The following COMMD9 variants were observed in gnomAD, a reference collection of about 807,000 sequenced individuals.
COMMD9 encodes the protein COMM domain containing 9.
Under a neutral mutation model 23.4 loss-of-function variants are expected in COMMD9, and 22 were observed. The ratio of observed to expected loss-of-function variants is 0.94; its 90% CI spans 0.67 to 1.34. COMMD9 has a LOEUF of 1.34. COMMD9 is among the 40% of genes most tolerant of loss of function. COMMD9 has a pLI of 0.00. For missense variants in COMMD9, 231 were observed against 240.2 expected (o/e 0.96, Z 0.25); for synonymous variants, 99 against 97.4 (o/e 1.02, Z -0.10).
chr11:36,272,783 A>G lies in COMMD9; in HGVS notation c.*1849T>C, dbSNP rs1016533775. On this transcript the variant is annotated 3_prime_UTR_variant, in exon 6 of 6. Transcript: ENST00000263401. ...ACATTTTCCAAATGGCGCTAGTCAC[A>G]GAATTATATGTTCCTTGCAAAGTCC... The G allele has an allele frequency of 3.9e-5, 6 of 152,366 alleles. No homozygotes were observed. The highest frequency in any genetic ancestry group is 3.9e-4 in the Admixed American group (6 of 15,308). The allele number at this position is 152,366 out of a possible 1,614,324, so 9.4% of individuals were successfully genotyped here.
At chr11:36,277,211 G>A (rs1416186756) in intron 3 of COMMD9, 88 bp from the exon 4 acceptor site, 32 of 919,310 alleles carry the variant, frequency 3.5e-5, no homozygotes, top group Admixed American at 5.9e-5. Context: ...CCCTTCCTGT[G>A]ATCTTCAGAC....
In COMMD9 at chr11:36,277,156, T is replaced by C. The variant is rs372662958; in HGVS notation, c.318-33A>G. 13 of 1,548,712 alleles carry C rather than the reference T, an allele frequency of 8.4e-6. No individual in the cohort carries two copies. The African/African-American group carries it at 1.6e-4, about 20-fold the overall frequency. On this transcript the variant is annotated intron_variant, in intron 3 of 5. Transcript: ENST00000263401. Reference sequence around the variant, plus strand: ...AGAGGGAAAGATGAGGAAAAAATAATGGAAAGGGGATGAGACTGACTCTTC... The same window carrying C: ...AGAGGGAAAGATGAGGAAAAAATAACGGAAAGGGGATGAGACTGACTCTTC...
intron 1 of COMMD9, among the ~76,000 whole-genome samples, chr11:36,287,705 A>C (rs1175061496): frequency 1.3e-5 from 2 of 151,252 alleles, no homozygotes. Context: ...AGCCAGGCAT[A>C]AAAAAAAAGT....
intron 2 of COMMD9, among the ~76,000 whole-genome samples, chr11:36,279,629 C>T (rs1267441764): frequency 1.3e-5 from 2 of 152,194 alleles, no homozygotes; most frequent in Non-Finnish European, 2.9e-5. Flanking sequence ...CTCTTAACAT[C>T]CTCTTTCATT....
Position 36,274,640 on chromosome 11 carries a change from T to C in COMMD9, c.589A>G (p.Ser197Gly), listed in dbSNP as rs1855938199. 1.2e-6 allele frequency: 2 copies of C among 1,614,126 alleles called. No individual in the cohort carries two copies. Among genetic ancestry groups the C allele is most frequent in the South Asian group, 2.2e-5 (2 of 91,092 alleles). The change falls in exon 6 of 6, where the codon AGT (serine) becomes GGT (glycine). Residue 197 changes from serine to glycine, a missense_variant. Ser to Gly is a moderately conservative substitution (Grantham distance 56). Coordinates refer to ENST00000263401, the MANE Select transcript of COMMD9 (RefSeq NM_014186.4). ...RIRDQLSAVA[S>G]K ...CCTGGCAGCTGGCTGGATCATTTAC[T>C]GGCCACGGCAGAGAGTTGGTCTCGG...
intron 4 of COMMD9, 187 bp downstream of exon 4, chr11:36,276,899 TATA>T: frequency 4.9e-6 from 2 of 409,322 alleles, no homozygotes; most frequent in East Asian, 3.6e-5. Flanking sequence ...AACATGCCTA[TATA>T]ATAATGTTTA....
At chr11:36,278,315 C>T in intron 3 of COMMD9, 162 bp downstream of exon 3, 2 of 631,576 alleles carry the variant, frequency 3.2e-6, no homozygotes, top group South Asian at 3.9e-5. Context: ...GAAAAGACTA[C>T]CACTAACATC....
intron 1 of COMMD9, among the ~76,000 whole-genome samples, chr11:36,284,453 T>C (rs1856118914): frequency 6.6e-6 from 1 of 152,204 alleles, no homozygotes; most frequent in South Asian, 2.1e-4. Context: ...TCAACACTCC[T>C]CTTTCAACAA....
chr11:36,276,310 C>T (rs754750621), intron 4 of COMMD9, 70 bp from the exon 5 acceptor site: 11 of 1,113,876 alleles, frequency 9.9e-6, no homozygotes, highest in East Asian at 9.4e-5. Context: ...GTACGACAGG[C>T]GGCTCTGAGG....
rs1321266100 is a variant in COMMD9 at position 36,278,606 on chromosome 11, G to C, written c.188C>G (p.Ala63Gly). The C allele has an allele frequency of 1.2e-6, 2 of 1,613,134 alleles. No individual in the cohort carries two copies. The highest frequency in any genetic ancestry group is 2.7e-5 in the African/African-American group (2 of 74,856). The change falls in exon 3 of 6, where the codon GCT becomes GGT. Residue 63 changes from alanine (A) to glycine (G), a missense_variant. Coordinates refer to ENST00000263401, the MANE Select transcript of COMMD9 (RefSeq NM_014186.4). Reference protein sequence around the residue: ...TQEEAEELLQALHRLTRLVAF... With the variant: ...TQEEAEELLQGLHRLTRLVAF... ...CACCAGCCTAGTGAGGCGGTGCAGAGCCTGGAGCAGCTGCAAGATAAACGG... is the reference window on the plus strand; with the variant it reads ...CACCAGCCTAGTGAGGCGGTGCAGACCCTGGAGCAGCTGCAAGATAAACGG...
rs1014254140 is a variant in COMMD9, at chr11:36,272,939, C to A, written c.*1693G>T. On this transcript the variant is annotated 3_prime_UTR_variant, in exon 6 of 6. Coordinates refer to ENST00000263401, the MANE Select transcript of COMMD9 (RefSeq NM_014186.4). ...GAGGATGATAATACTAATTCTCACA[C>A]CAACTCTGTTATAGTAGATGAGACA... is the stretch of plus-strand genomic sequence containing the variant. 2.6e-5 allele frequency: 4 copies of A among 152,194 alleles called. No homozygotes were observed. Among genetic ancestry groups the A allele is most frequent in the African/African-American group, 9.7e-5 (4 of 41,448 alleles). The allele number at this position is 152,194 out of a possible 1,614,324, so 9.4% of individuals were successfully genotyped here. A position where few individuals can be genotyped will look rare whatever the true frequency, so the allele number is the denominator to read the frequency against.
At chr11:36,283,530 AG>A (rs1856100407) in intron 1 of COMMD9, among the ~76,000 whole-genome samples, 1 of 152,212 alleles carries the variant, frequency 6.6e-6, no homozygotes, top group Non-Finnish European at 1.5e-5. Flanking sequence ...TATAGAATGT[AG>A]TAATTAGGGC....
intron 3 of COMMD9, among the ~76,000 whole-genome samples, chr11:36,277,803 G>C (rs1856000191): frequency 6.6e-6 from 1 of 150,942 alleles, no homozygotes; most frequent in African/African-American, 2.5e-5. Flanking sequence ...ACACTGAAAT[G>C]AGGTACCATT....
chr11:36,276,296 T>G, intron 4 of COMMD9, 56 bp from the exon 5 acceptor site: 1 of 1,288,016 alleles, frequency 7.8e-7, no homozygotes, highest in Non-Finnish European at 1.1e-6. Context: ...ACCAAGCATT[T>G]ATTGTACGAC....
At chr11:36,276,967 G>T in intron 4 of COMMD9, 122 bp downstream of exon 4, 1 of 715,926 alleles carries the variant, frequency 1.4e-6, no homozygotes, top group Non-Finnish European at 2.2e-6. Context: ...CATACACAGA[G>T]TATGGGTTGA....
At chr11:36,286,494 T>A (rs545386876) in intron 1 of COMMD9, among the ~76,000 whole-genome samples, 5 of 149,064 alleles carry the variant, frequency 3.4e-5, no homozygotes, top group Non-Finnish European at 7.4e-5. Context: ...AGCTACTTGG[T>A]AGACTGAGGC....
intron 3 of COMMD9, among the ~76,000 whole-genome samples, chr11:36,277,925 T>C (rs1410832134): frequency 6.6e-6 from 1 of 152,202 alleles, no homozygotes; most frequent in South Asian, 2.1e-4. Context: ...ATATTTCTAA[T>C]GGCCAACTTG....
At chr11:36,284,652 G>C (rs151170638) in intron 1 of COMMD9, among the ~76,000 whole-genome samples, 1,551 of 152,256 alleles carry the variant, frequency 0.01, 25 homozygotes, top group African/African-American at 0.036. Context: ...AAATTCAAAA[G>C]AAGTGAAGTA....
intron 1 of COMMD9, among the ~76,000 whole-genome samples, chr11:36,281,353 T>C (rs1490170807): frequency 2.0e-5 from 3 of 152,140 alleles, no homozygotes; most frequent in Non-Finnish European, 4.4e-5. Flanking sequence ...CACCTCTATG[T>C]CAACAAAGGC....
Sources: allele counts gnomAD v4.1 joint callset (sites outside exome capture counted in the v4.1 genomes callset), GRCh38; gene constraint gnomAD v4.1.1; transcripts MANE v1.5; gene names NCBI Gene and HGNC (gene_info 2026-07-23, HGNC 2026-07-21).